The following TSPAN18 variants were observed in gnomAD, a reference collection of about 807,000 sequenced individuals.
The protein encoded by TSPAN18 is tetraspanin-18.
A neutral mutation model predicts 27.3 loss-of-function variants in TSPAN18; 14 were observed. The observed-to-expected ratio is 0.51, with a 90% CI of 0.34 to 0.80. The LOEUF (loss-of-function observed/expected upper bound fraction) is 0.80. Among genes scored for constraint, TSPAN18 ranks in the 30% least tolerant of loss-of-function variants. The pLI is 0.01. For synonymous variants in TSPAN18, 143 were observed against 136.5 expected (o/e 1.05, Z -0.33); for missense variants, 268 against 323.9 (o/e 0.83, Z 1.32).
intron 2 of TSPAN18, among the ~76,000 whole-genome samples, chr11:44,814,942 G>A (rs1345896551): frequency 6.6e-6 from 1 of 152,208 alleles, no homozygotes; most frequent in Non-Finnish European, 1.5e-5. Flanking sequence ...TCCCTCTGAT[G>A]GGAGAATATT....
At chr11:44,788,074 A>G (rs1193751980) in intron 2 of TSPAN18, among the ~76,000 whole-genome samples, 3 of 152,166 alleles carry the variant, frequency 2.0e-5, no homozygotes, top group East Asian at 3.8e-4. Flanking sequence ...CTGGCTGGCA[A>G]ACTTTTTCTC....
intron 4 of TSPAN18, among the ~76,000 whole-genome samples, chr11:44,907,278 G>GA (rs1362290936): frequency 5.3e-5 from 8 of 152,274 alleles, no homozygotes; most frequent in Admixed American, 5.2e-4. Context: ...TGTGGCCCTG[G>GA]ATTCTTGGGC....
rs528227061 is a variant in TSPAN18 at position 44,894,970 on chromosome 11, A to C, written c.-10-11437A>C. Among the ~76,000 whole-genome samples the C allele has an allele frequency of 8.5e-5, 13 of 152,232 alleles. No individual in the cohort carries two copies. In the East Asian group the frequency reaches 2.5e-3, roughly 29 times the overall value. On this transcript the variant is annotated intron_variant, in intron 3 of 9. Transcript: ENST00000520358. ...CATGTTTTGCTAACCAGGTAAATGA[A>C]CTCAGACGAGTTAGTTACCCTGCCC...
chr11:44,880,195 C>T (rs1157071765), intron 3 of TSPAN18, among the ~76,000 whole-genome samples: 3 of 152,190 alleles, frequency 2.0e-5, no homozygotes, highest in African/African-American at 7.2e-5. Flanking sequence ...CCAGGATGGC[C>T]GCTGAGTGAG....
At chr11:44,923,307 C>T (rs1221953231) in intron 8 of TSPAN18, among the ~76,000 whole-genome samples, 4 of 152,016 alleles carry the variant, frequency 2.6e-5, no homozygotes, top group Non-Finnish European at 2.9e-5. Flanking sequence ...TGGGTGGCAG[C>T]AGGGGGTGGG....
intron 2 of TSPAN18, among the ~76,000 whole-genome samples, chr11:44,765,307 T>C (rs965470004): frequency 5.3e-5 from 8 of 152,112 alleles, no homozygotes; most frequent in South Asian, 4.2e-4. Context: ...AGGTCAGGGG[T>C]TGGGAGGTTG....
chr11:44,857,980 T>C (rs1255150578), intron 2 of TSPAN18, among the ~76,000 whole-genome samples: 1 of 152,238 alleles, frequency 6.6e-6, no homozygotes, highest in African/African-American at 2.4e-5. Context: ...CATCCCACAG[T>C]GATCGAGAGC....
chr11:44,806,916 T>G (rs937725823), intron 2 of TSPAN18, among the ~76,000 whole-genome samples: 14 of 152,198 alleles, frequency 9.2e-5, no homozygotes, highest in Non-Finnish European at 1.8e-4. Flanking sequence ...GGAATGCTTT[T>G]TATTTCAATG....
At chr11:44,928,421 C>T (rs1860447756) in intron 9 of TSPAN18, among the ~76,000 whole-genome samples, 1 of 152,216 alleles carries the variant, frequency 6.6e-6, no homozygotes, top group Non-Finnish European at 1.5e-5. Context: ...ATGCCTGGGA[C>T]TGAAACCCAA....
chr11:44,809,209 C>T (rs995262596), intron 2 of TSPAN18, among the ~76,000 whole-genome samples: 2 of 152,014 alleles, frequency 1.3e-5, no homozygotes, highest in Admixed American at 6.5e-5. Flanking sequence ...ATTCTGAGTT[C>T]CCCAGGAGTT....
intron 2 of TSPAN18, among the ~76,000 whole-genome samples, chr11:44,813,817 G>A (rs1481315563): frequency 6.6e-6 from 1 of 152,208 alleles, no homozygotes; most frequent in African/African-American, 2.4e-5. Flanking sequence ...ACAGAGGGCT[G>A]AGCTGAGCAG....
chr11:44,753,503 C>T (rs1474657115), intron 1 of TSPAN18, among the ~76,000 whole-genome samples: 1 of 152,156 alleles, frequency 6.6e-6, no homozygotes, highest in African/African-American at 2.4e-5. Flanking sequence ...TGTGGGTGCC[C>T]CCAGCATCTT....
chr11:44,857,795 T>C (rs1356242431), intron 2 of TSPAN18, among the ~76,000 whole-genome samples: 1 of 152,202 alleles, frequency 6.6e-6, no homozygotes, highest in Non-Finnish European at 1.5e-5. Flanking sequence ...TATCTGAGGA[T>C]GACACACACG....
intron 9 of TSPAN18, among the ~76,000 whole-genome samples, 181 bp downstream of exon 9, chr11:44,926,938 A>C (rs188990364): frequency 7.4e-4 from 112 of 151,974 alleles, no homozygotes; most frequent in Non-Finnish European, 5.9e-5. Context: ...TCATTCTTGA[A>C]CTCTGGAGAT....
chr11:44,924,049 T>G (rs1272207904), intron 8 of TSPAN18, among the ~76,000 whole-genome samples: 1 of 152,042 alleles, frequency 6.6e-6, no homozygotes, highest in Non-Finnish European at 1.5e-5. Context: ...TCAAAGTCAA[T>G]TTCATGCTCT....
In TSPAN18 at chr11:44,770,133, G is replaced by A. The variant is rs115197038; in HGVS notation, c.-153+5621G>A. 2.8e-3 allele frequency among the ~76,000 whole-genome samples: 422 copies of A among 152,300 alleles called. 3 individuals carry two copies. The highest frequency in any genetic ancestry group is 9.2e-3 in the African/African-American group (381 of 41,568). On this transcript the variant is annotated intron_variant, in intron 2 of 9. Coordinates refer to ENST00000520358, the MANE Select transcript of TSPAN18 (RefSeq NM_130783.5). ...CACTGCTCTACATGCTGGGAATATCGTTTTGAATGAAATAGCAGAGTCTCT... is the reference window on the plus strand; with the variant it reads ...CACTGCTCTACATGCTGGGAATATCATTTTGAATGAAATAGCAGAGTCTCT...
intron 3 of TSPAN18, among the ~76,000 whole-genome samples, chr11:44,897,291 A>G (rs1319200703): frequency 6.6e-6 from 1 of 152,206 alleles, no homozygotes; most frequent in Admixed American, 6.5e-5. Flanking sequence ...ACTTTCCAGC[A>G]TCAAATCTCT....
At chr11:44,736,213 CTG>C (rs1174474463) in intron 1 of TSPAN18, 1 of 152,216 alleles carries the variant, frequency 6.6e-6, no homozygotes, top group Non-Finnish European at 1.5e-5. Context: ...AGGTGAATGT[CTG>C]TGTCAAAACA....
intron 2 of TSPAN18, among the ~76,000 whole-genome samples, chr11:44,839,527 G>A (rs1456809734): frequency 6.6e-5 from 10 of 152,088 alleles, no homozygotes; most frequent in Non-Finnish European, 1.2e-4. Context: ...ACAGCTTCTC[G>A]GGATGCAAAC....
Sources: gnomAD v4.1 joint callset for allele counts (sites outside exome capture counted in the v4.1 genomes callset) on GRCh38, gnomAD v4.1.1 for gene constraint, MANE v1.5 for transcripts, NCBI Gene and HGNC (gene_info 2026-07-23, HGNC 2026-07-21) for gene names.